Variants in GALNT13 observed in about 807,000 individuals in gnomAD.
GALNT13 encodes polypeptide N-acetylgalactosaminyltransferase 13.
Under a neutral mutation model 64.2 loss-of-function variants are expected in GALNT13, and 28 were observed. The observed-to-expected ratio is 0.44, with a 90% CI of 0.32 to 0.60. The LOEUF (loss-of-function observed/expected upper bound fraction) is 0.60. GALNT13 is among the 20% of genes least tolerant of loss of function. The pLI, the probability that GALNT13 is intolerant of heterozygous loss-of-function variation, is 0.05. For synonymous variants in GALNT13, 214 were observed against 224.6 expected (o/e 0.95, Z 0.42); for missense variants, 577 against 669.8 (o/e 0.86, Z 1.53).
the GALNT13 span, among the ~76,000 whole-genome samples, chr2:153,221,472 G>A: frequency 6.6e-6 from 1 of 152,162 alleles, no homozygotes; most frequent in Non-Finnish European, 1.5e-5. Flanking sequence ...CAGCCTTCAG[G>A]ACAATAAAGA....
the GALNT13 span, chr2:153,201,792 A>T: frequency 6.6e-6 from 1 of 152,098 alleles, no homozygotes; most frequent in East Asian, 1.9e-4. Flanking sequence ...TTGTCCTGGT[A>T]AGGCTCCTGT....
chr2:154,062,930 AAC>A (rs1700269574), intron 3 of GALNT13, among the ~76,000 whole-genome samples: 1 of 151,522 alleles, frequency 6.6e-6, no homozygotes, highest in Non-Finnish European at 1.5e-5. Context: ...TCATAATTTT[AAC>A]AGTCATTTAG....
the GALNT13 span, among the ~76,000 whole-genome samples, chr2:153,719,361 A>G: frequency 6.6e-6 from 1 of 152,162 alleles, no homozygotes; most frequent in Non-Finnish European, 1.5e-5. Flanking sequence ...ATTGACACTG[A>G]CTGAAAGGTA....
chr2:153,602,591 T>C, the GALNT13 span, among the ~76,000 whole-genome samples: 12 of 151,362 alleles, frequency 7.9e-5, no homozygotes, highest in African/African-American at 2.9e-4. Flanking sequence ...ATTAAGAGAG[T>C]TCTTAGTGTA....
the GALNT13 span, among the ~76,000 whole-genome samples, chr2:153,631,181 G>A: frequency 6.6e-6 from 1 of 152,046 alleles, no homozygotes; most frequent in Admixed American, 6.6e-5. Flanking sequence ...TGGCATATAT[G>A]TGCCACATTT....
the GALNT13 span, among the ~76,000 whole-genome samples, chr2:153,232,789 G>C: frequency 1.3e-5 from 2 of 152,182 alleles, no homozygotes; most frequent in Non-Finnish European, 2.9e-5. Flanking sequence ...GCTACCCTAT[G>C]TTGAGGAGGC....
the GALNT13 span, among the ~76,000 whole-genome samples, chr2:153,402,546 C>A: frequency 1.3e-5 from 2 of 152,030 alleles, no homozygotes; most frequent in Non-Finnish European, 2.9e-5. Flanking sequence ...TCCATTCTCC[C>A]CATCACTTTC....
the GALNT13 span, among the ~76,000 whole-genome samples, chr2:153,128,479 C>T: frequency 2.0e-5 from 3 of 152,124 alleles, no homozygotes; most frequent in Non-Finnish European, 2.9e-5. Flanking sequence ...GTACCTCCCA[C>T]AACACGTGGG....
At chr2:154,369,984 G>A (rs886250347) in intron 9 of GALNT13, among the ~76,000 whole-genome samples, 2 of 152,134 alleles carry the variant, frequency 1.3e-5, no homozygotes, top group South Asian at 2.1e-4. Context: ...CTGTTCAGAA[G>A]TCTTAACATA....
At chr2:153,215,643 C>G in the GALNT13 span, among the ~76,000 whole-genome samples, 1 of 151,962 alleles carries the variant, frequency 6.6e-6, no homozygotes, top group African/African-American at 2.4e-5. Context: ...GATGCTTTCT[C>G]TAGTATTCTG....
chr2:153,076,542 C>T, the GALNT13 span, among the ~76,000 whole-genome samples: 2 of 152,118 alleles, frequency 1.3e-5, no homozygotes, highest in East Asian at 3.9e-4. Context: ...AAGTTATTCA[C>T]CCATGCTTCC....
the GALNT13 span, among the ~76,000 whole-genome samples, chr2:153,587,896 C>T: frequency 7.2e-5 from 11 of 152,212 alleles, no homozygotes; most frequent in East Asian, 1.9e-4. Context: ...TTAGTAACTT[C>T]GTAGATACAA....
the GALNT13 span, among the ~76,000 whole-genome samples, chr2:153,805,958 A>G: frequency 6.6e-6 from 1 of 152,030 alleles, no homozygotes; most frequent in Admixed American, 6.5e-5. Context: ...AAACATATAT[A>G]ATATAGTGTG....
chr2:154,093,113 T>A (rs1431254089), intron 3 of GALNT13, among the ~76,000 whole-genome samples: 2 of 152,010 alleles, frequency 1.3e-5, no homozygotes, highest in Non-Finnish European at 2.9e-5. Context: ...TATGTCTCAA[T>A]AGAATCTCAA....
the GALNT13 span, among the ~76,000 whole-genome samples, chr2:153,601,868 A>G: frequency 6.6e-6 from 1 of 151,922 alleles, no homozygotes; most frequent in Admixed American, 6.6e-5. Context: ...TTAAACATCT[A>G]GGCAAGAAAG....
the GALNT13 span, among the ~76,000 whole-genome samples, chr2:153,297,548 A>G: frequency 6.6e-6 from 1 of 152,208 alleles, no homozygotes; most frequent in Non-Finnish European, 1.5e-5. Context: ...GACATGCAGT[A>G]AAAATTTAGA....
In GALNT13 at chr2:153,944,440, A is replaced by AT; in HGVS notation, c.-55dup. 6.5e-7 allele frequency: 1 copy of AT among 1,544,748 alleles called. No individual in the cohort carries two copies. Among genetic ancestry groups the AT allele is most frequent in the Non-Finnish European group, 8.9e-7 (1 of 1,128,994 alleles). The stretch of plus-strand genomic sequence containing the variant: ...CTTGGAGTTCACCTGTGTGGCTTGG[A>AT]TTTATCACAGTAGCATTTGTCTTCA... On this transcript the variant is annotated 5_prime_UTR_variant, in exon 3 of 13. An upstream open reading frame in the 5' UTR gains an earlier in-frame stop. Coordinates refer to ENST00000392825, the MANE Select transcript of GALNT13 (RefSeq NM_052917.4).
chr2:153,100,934 C>A, the GALNT13 span, among the ~76,000 whole-genome samples: 2 of 152,022 alleles, frequency 1.3e-5, no homozygotes, highest in Non-Finnish European at 2.9e-5. Flanking sequence ...GAGGCTGAGC[C>A]AGGAAAATCG....
the GALNT13 span, among the ~76,000 whole-genome samples, chr2:153,349,832 C>A: frequency 6.6e-6 from 1 of 152,044 alleles, no homozygotes; most frequent in Non-Finnish European, 1.5e-5. Context: ...CTCCCTTCAG[C>A]ACTAGAGGGA....
Sources: allele counts gnomAD v4.1 joint callset (sites outside exome capture counted in the v4.1 genomes callset), GRCh38; gene constraint gnomAD v4.1.1; transcripts MANE v1.5; gene names NCBI Gene and HGNC (gene_info 2026-07-23, HGNC 2026-07-21).